Variants in TAF12 observed in about 807,000 individuals in gnomAD.
The protein encoded by TAF12 is transcription initiation factor TFIID subunit 12.
In TAF12, 3 loss-of-function variants were observed where a neutral mutation model predicts 20.8. That is an observed-to-expected ratio of 0.14 (90% CI 0.07 to 0.37). The LOEUF (loss-of-function observed/expected upper bound fraction) is 0.37. Among genes scored for constraint, TAF12 ranks in the 10% least tolerant of loss-of-function variants. TAF12 has a pLI of 1.00. For synonymous variants in TAF12, 69 were observed against 70.2 expected (o/e 0.98, Z 0.09); for missense variants, 131 against 197.9 (o/e 0.66, Z 2.03).
At chr1:28,637,589 C>T (rs1189077509) in intron 1 of TAF12, among the ~76,000 whole-genome samples, 2 of 151,016 alleles carry the variant, frequency 1.3e-5, no homozygotes, top group Non-Finnish European at 3.0e-5. Context: ...TGCTTGAACC[C>T]GTGAGGCGGA....
At chr1:28,603,749 GC>G (rs1468910716) in intron 5 of TAF12, among the ~76,000 whole-genome samples, 175 bp from the exon 6 acceptor site, 21 of 152,086 alleles carry the variant, frequency 1.4e-4, no homozygotes. Flanking sequence ...AGTCTGCAAG[GC>G]CCCAAGAGAT....
At chr1:28,625,480 C>T (rs924434698) in intron 1 of TAF12, among the ~76,000 whole-genome samples, 1 of 152,056 alleles carries the variant, frequency 6.6e-6, no homozygotes, top group African/African-American at 2.4e-5. Context: ...AAGCAATCCT[C>T]CTGTCTCAAC....
intron 4 of TAF12, among the ~76,000 whole-genome samples, chr1:28,607,682 C>CT (rs373233593): frequency 4.4e-4 from 65 of 148,108 alleles, no homozygotes; most frequent in African/African-American, 1.4e-3. Context: ...AAAAAGAAAA[C>CT]TTTTTTTTTT....
chr1:28,634,551 A>G (rs1405363253), intron 1 of TAF12, among the ~76,000 whole-genome samples: 3 of 152,142 alleles, frequency 2.0e-5, no homozygotes, highest in South Asian at 2.1e-4. Context: ...GTAAATATGG[A>G]AAGTCCACCC....
At chr1:28,622,906 C>T (rs1287200529) in intron 1 of TAF12, among the ~76,000 whole-genome samples, 1 of 151,840 alleles carries the variant, frequency 6.6e-6, no homozygotes, top group Non-Finnish European at 1.5e-5. Context: ...GCCTATAATC[C>T]CTCCCAGCTA....
At chr1:28,640,445 G>C (rs1046800544) in intron 1 of TAF12, among the ~76,000 whole-genome samples, 1 of 152,136 alleles carries the variant, frequency 6.6e-6, no homozygotes, top group Non-Finnish European at 1.5e-5. Context: ...AAAAGTTTTA[G>C]AGGCACATGT....
intron 3 of TAF12, 148 bp from the exon 4 acceptor site, chr1:28,613,509 G>C (rs1448018203): frequency 1.1e-5 from 7 of 635,152 alleles, no homozygotes; most frequent in South Asian, 2.1e-5. Flanking sequence ...GTGGGGAAGA[G>C]GAATGAGAAG....
At chr1:28,638,936 C>G (rs1041049693) in intron 1 of TAF12, among the ~76,000 whole-genome samples, 1 of 151,438 alleles carries the variant, frequency 6.6e-6, no homozygotes, top group African/African-American at 2.4e-5. Context: ...CGACTATAGG[C>G]GCCCGTGCCC....
rs1017505819 is a variant in TAF12 at position 28,628,919 on chromosome 1, A to G, written c.-84-6754T>C. 3.0e-4 allele frequency among the ~76,000 whole-genome samples: 45 copies of G among 152,216 alleles called. 1 individual carries two copies. The highest frequency in any genetic ancestry group is 1.0e-4 in the Non-Finnish European group (7 of 68,042). The stretch of plus-strand genomic sequence containing the variant: ...GAAACCCCCTCTCTACTAGTAATAC[A>G]AAATTAACCAGGCGCGTTGGCGGGC... On this transcript the variant is annotated intron_variant, in intron 1 of 5. Transcript: ENST00000373824.
chr1:28,643,810 G>A (rs751879623), upstream of TAF12, among the ~76,000 whole-genome samples: 10 of 152,228 alleles, frequency 6.6e-5, no homozygotes, highest in South Asian at 1.7e-3. Context: ...CCAGCACTTT[G>A]GGAGGCCGAG....
chr1:28,608,880 G>T (rs1190909245), intron 4 of TAF12, among the ~76,000 whole-genome samples: 2 of 151,906 alleles, frequency 1.3e-5, no homozygotes, highest in African/African-American at 4.8e-5. Flanking sequence ...GGCAGAGGTT[G>T]CAGTGAGCCG....
intron 4 of TAF12, among the ~76,000 whole-genome samples, chr1:28,606,173 AT>A (rs1666658203): frequency 6.6e-6 from 1 of 151,048 alleles, no homozygotes; most frequent in Non-Finnish European, 1.5e-5. Flanking sequence ...TAATTTTTGT[AT>A]TTTTAGTAGA....
intron 4 of TAF12, among the ~76,000 whole-genome samples, chr1:28,606,377 G>A (rs1301655860): frequency 6.6e-6 from 1 of 151,838 alleles, no homozygotes; most frequent in South Asian, 2.1e-4. Context: ...GACCTCAGGT[G>A]ATCTGCCTGC....
At chr1:28,647,495 C>G (rs533731658), upstream of TAF12, among the ~76,000 whole-genome samples, 2 of 151,878 alleles carry the variant, frequency 1.3e-5, no homozygotes, top group South Asian at 4.1e-4. Context: ...TATATGTTGC[C>G]CATTGTGGTC....
intron 1 of TAF12, among the ~76,000 whole-genome samples, chr1:28,633,098 T>TA (rs1398438816): frequency 6.6e-6 from 1 of 151,226 alleles, no homozygotes; most frequent in African/African-American, 2.4e-5. Context: ...TGACCTCAGG[T>TA]GATCCACCTG....
chr1:28,606,030 AC>A (rs1666653261), intron 4 of TAF12, among the ~76,000 whole-genome samples: 1 of 150,472 alleles, frequency 6.6e-6, no homozygotes, highest in Admixed American at 6.6e-5. Flanking sequence ...ATGGAGTCTC[AC>A]TCTGTTGCCC....
In TAF12 at chr1:28,603,380, C is replaced by T; in HGVS notation, c.*159G>A. ...GGGGTAGGAGGCTTTATTCTTTTGGCAGATCCTCTCAGTCATTATAGATAT... is the reference window on the plus strand; with the variant it reads ...GGGGTAGGAGGCTTTATTCTTTTGGTAGATCCTCTCAGTCATTATAGATAT... On this transcript the variant is annotated 3_prime_UTR_variant, in exon 6 of 6. Coordinates refer to ENST00000373824, the MANE Select transcript of TAF12 (RefSeq NM_005644.4). 2.9e-6 allele frequency: 2 copies of T among 695,838 alleles called. No individual in the cohort carries two copies. Among genetic ancestry groups the T allele is most frequent in the East Asian group, 5.5e-5 (2 of 36,464 alleles). The allele number at this position is 695,838 out of a possible 1,614,324, so 43.1% of individuals were successfully genotyped here.
At chr1:28,642,876 C>A (rs1031814988) in intron 1 of TAF12, 116 bp downstream of exon 1, 7 of 985,932 alleles carry the variant, frequency 7.1e-6, no homozygotes, top group African/African-American at 1.7e-5. Flanking sequence ...GAGCCTGAAT[C>A]CTCACAGCCC....
At chr1:28,605,926 G>C (rs1182888086) in intron 4 of TAF12, among the ~76,000 whole-genome samples, 2 of 152,200 alleles carry the variant, frequency 1.3e-5, no homozygotes, top group East Asian at 3.8e-4. Flanking sequence ...TCATTTGCCA[G>C]GTTCAAGCAA....
Sources: allele counts gnomAD v4.1 joint callset (sites outside exome capture counted in the v4.1 genomes callset), GRCh38; gene constraint gnomAD v4.1.1; transcripts MANE v1.5; gene names NCBI Gene and HGNC (gene_info 2026-07-23, HGNC 2026-07-21).